Variants in BCAS3 observed in about 807,000 individuals in gnomAD.
The protein encoded by BCAS3 is BCAS3 microtubule associated cell migration factor, also known as BCAS4/BCAS3 fusion.
In BCAS3, 53 loss-of-function variants were observed where a neutral mutation model predicts 116.1. The ratio of observed to expected loss-of-function variants is 0.46; its 90% CI spans 0.37 to 0.57. The LOEUF is 0.57. Among genes scored for constraint, BCAS3 ranks in the 20% least tolerant of loss-of-function variants. BCAS3 has a pLI of 0.00. For synonymous variants in BCAS3, 391 were observed against 408.2 expected (o/e 0.96, Z 0.51); for missense variants, 917 against 1,165.4 (o/e 0.79, Z 3.10).
Position 61,376,811 on chromosome 17 carries a change from A to G in BCAS3, c.2593+8317A>G, listed in dbSNP as rs2059361464. Among the ~76,000 whole-genome samples, 1 of 152,158 alleles carries G rather than the reference A, an allele frequency of 6.6e-6. No homozygotes were observed. Among genetic ancestry groups the G allele is most frequent in the African/African-American group, 2.4e-5 (1 of 41,440 alleles). ...CTAGGGCTTTTCCTCTGCCTTATCT[A>G]ATTGGGCCCTGGAGTTTTCCTCCTT... On this transcript the variant is annotated intron_variant, in intron 23 of 23. Coordinates refer to ENST00000407086, the MANE Select transcript of BCAS3 (RefSeq NM_017679.5). This position sits in a 1 kb window ranked among gnomAD's most constrained non-coding sequence, Gnocchi z 4.5.
chr17:60,841,424 G>C (rs1424759606), intron 7 of BCAS3, among the ~76,000 whole-genome samples: 1 of 149,080 alleles, frequency 6.7e-6, no homozygotes, highest in Non-Finnish European at 1.5e-5. Flanking sequence ...CTGTCACTCA[G>C]GCTGGAGTGC....
At position 60,679,480 on chromosome 17, in the gene BCAS3, A is replaced by G; in HGVS notation, c.23A>G (p.Asp8Gly). 6.2e-7 allele frequency: 1 copy of G among 1,613,998 alleles called. No homozygotes were observed. The highest frequency in any genetic ancestry group is 8.5e-7 in the Non-Finnish European group (1 of 1,179,910). MNEAMAT[D>G]SPRRPSRCTG... ...TTTATGAATGAAGCTATGGCTACAG[A>G]TTCCCCAAGAAGACCCAGTCGTTGT... The change falls in exon 2 of 24, where the codon GAT (aspartate) becomes GGT (glycine). Residue 8 changes from aspartate (D) to glycine (G), a missense_variant. Physicochemically the swap from Asp to Gly is moderately conservative, Grantham distance 94. Coordinates refer to ENST00000407086, the MANE Select transcript of BCAS3 (RefSeq NM_017679.5).
intron 15 of BCAS3, among the ~76,000 whole-genome samples, chr17:61,015,112 T>G (rs2065363329): frequency 6.6e-6 from 1 of 152,178 alleles, no homozygotes; most frequent in South Asian, 2.1e-4. Context: ...TCAGCTGGCT[T>G]TTGTTTAGAA....
chr17:60,982,914 G>C (rs1403683236), intron 14 of BCAS3, among the ~76,000 whole-genome samples: 1 of 152,132 alleles, frequency 6.6e-6, no homozygotes, highest in Non-Finnish European at 1.5e-5. Flanking sequence ...AACATTTTCT[G>C]TGTCAGTTCT....
chr17:60,761,805 A>G (rs2144355686), intron 6 of BCAS3, among the ~76,000 whole-genome samples: 1 of 131,620 alleles, frequency 7.6e-6, no homozygotes, highest in East Asian at 1.9e-4. Context: ...TGGTTGAACT[A>G]GTTTATGCTT....
In BCAS3 at chr17:61,122,723, A is replaced by C. The variant is rs1045255140; in HGVS notation, c.2425+38159A>C. ...GAATTTTCCCACATAGACAAAAAAC[A>C]AAACAAAACAAAAAACCATCTCAGC... On this transcript the variant is annotated intron_variant, in intron 22 of 23. Transcript: ENST00000407086. The surrounding 1 kb of genome is among the most constrained non-coding windows in gnomAD (Gnocchi z 4.6). 1.3e-5 allele frequency among the ~76,000 whole-genome samples: 2 copies of C among 152,214 alleles called. No individual in the cohort carries two copies. The highest frequency in any genetic ancestry group is 4.8e-5 in the African/African-American group (2 of 41,446).
chr17:60,766,962 T>C (rs1055818033), intron 6 of BCAS3, among the ~76,000 whole-genome samples: 1 of 152,192 alleles, frequency 6.6e-6, no homozygotes, highest in East Asian at 1.9e-4. Flanking sequence ...GGACTGCTGC[T>C]CTAGCAGTGA....
rs898771810 is a variant in BCAS3, at chr17:60,961,568, A to T, written c.1221+14216A>T. 1.7e-4 allele frequency among the ~76,000 whole-genome samples: 26 copies of T among 152,334 alleles called. No homozygotes were observed. Among genetic ancestry groups the T allele is most frequent in the Admixed American group, 7.8e-4 (12 of 15,304 alleles). On this transcript the variant is annotated intron_variant, in intron 14 of 23. Transcript: ENST00000407086. This position sits in a 1 kb window ranked among gnomAD's most constrained non-coding sequence, Gnocchi z 4.8. ...TACAGAAAAGTTGCAAAGATAGTATAGAAAGTTTCTATACCATATCAAATT... is the reference window on the plus strand; with the variant it reads ...TACAGAAAAGTTGCAAAGATAGTATTGAAAGTTTCTATACCATATCAAATT...
chr17:61,036,343 C>CTT (rs1484463578), intron 17 of BCAS3: 1 of 152,110 alleles, frequency 6.6e-6, no homozygotes, highest in African/African-American at 2.4e-5. Flanking sequence ...TTCAGTGACC[C>CTT]TTTACTTGGT....
rs2060560564 is a variant in BCAS3, at chr17:60,947,362, A to T, written c.1221+10A>T. ...AGAAACTGAAGCCAAAGTAAGCTGT[A>T]TAATTTTTCAGAAGGCGATTTCTTG... On this transcript the variant is annotated intron_variant, in intron 14 of 23. Coordinates refer to ENST00000407086, the MANE Select transcript of BCAS3 (RefSeq NM_017679.5). 1 of 1,610,986 alleles carries T rather than the reference A, an allele frequency of 6.2e-7. No individual in the cohort carries two copies. Among genetic ancestry groups the T allele is most frequent in the African/African-American group, 1.3e-5 (1 of 74,850 alleles).
At chr17:61,044,465 A>AAAAAAAATATATATAT in intron 19 of BCAS3, among the ~76,000 whole-genome samples, 3 of 120,124 alleles carry the variant, frequency 2.5e-5, no homozygotes, top group African/African-American at 1.5e-4. Flanking sequence ...AAAAAAAAAA[A>AAAAAAAATATATATAT]ATATATATAT....
intron 22 of BCAS3, among the ~76,000 whole-genome samples, chr17:61,114,665 C>T (rs1300282172): frequency 6.6e-6 from 1 of 152,016 alleles, no homozygotes; most frequent in African/African-American, 2.4e-5. Context: ...CCATACTGCC[C>T]AAGGTAATTT....
intron 12 of BCAS3, among the ~76,000 whole-genome samples, chr17:60,919,721 A>G (rs1448564004): frequency 6.6e-6 from 1 of 151,814 alleles, no homozygotes; most frequent in Non-Finnish European, 1.5e-5. Context: ...TTGGTAATAC[A>G]TAGGAAGATA....
intron 20 of BCAS3, among the ~76,000 whole-genome samples, chr17:61,076,859 T>C (rs2072045371): frequency 1.3e-5 from 2 of 152,210 alleles, no homozygotes; most frequent in South Asian, 4.1e-4. Flanking sequence ...TTTTTCTCCC[T>C]GTGATTAGTA....
At chr17:61,070,043 C>T in intron 19 of BCAS3, 1 of 1,594,406 alleles carries the variant, frequency 6.3e-7, no homozygotes, top group East Asian at 2.2e-5. Context: ...TGGAGACAGC[C>T]CAAATATCCT....
chr17:60,958,204 T>C (rs549711916), intron 14 of BCAS3, among the ~76,000 whole-genome samples: 119 of 152,196 alleles, frequency 7.8e-4, no homozygotes, highest in African/African-American at 2.6e-3. Context: ...ACCAGAGACA[T>C]GGGAGCTGCA....
At chr17:61,375,247 T>TGTGTGCGCACAC (rs1555861860) in intron 23 of BCAS3, among the ~76,000 whole-genome samples, 94 of 129,828 alleles carry the variant, frequency 7.2e-4, no homozygotes, top group African/African-American at 4.0e-3. Context: ...TGTGTGTGTG[T>TGTGTGCGCACAC]GTGTGTGTAC....
In BCAS3 at chr17:61,279,100, C is replaced by T. The variant is rs1357667609; in HGVS notation, c.2426-89227C>T. Among the ~76,000 whole-genome samples, 1 of 151,934 alleles carries T rather than the reference C, an allele frequency of 6.6e-6. No homozygotes were observed. Among genetic ancestry groups the T allele is most frequent in the Non-Finnish European group, 1.5e-5 (1 of 67,994 alleles). On this transcript the variant is annotated intron_variant, in intron 22 of 23. Transcript: ENST00000407086. The surrounding 1 kb of genome is among the most constrained non-coding windows in gnomAD (Gnocchi z 4.4). ...TAGCTGGGATTACAGGCATGTGCCA[C>T]CATGCCTGGCTAATTTTTGTATCTT...
intron 13 of BCAS3, among the ~76,000 whole-genome samples, chr17:60,945,515 C>T (rs1475449122): frequency 6.6e-6 from 1 of 152,122 alleles, no homozygotes; most frequent in African/African-American, 2.4e-5. Context: ...CAAAAATAGG[C>T]CTTGGCCTGG....
Sources: allele counts gnomAD v4.1 joint callset (sites outside exome capture counted in the v4.1 genomes callset), GRCh38; gene constraint gnomAD v4.1.1; non-coding constraint Gnocchi (gnomAD v3.1); transcripts MANE v1.5; gene names NCBI Gene and HGNC (gene_info 2026-07-23, HGNC 2026-07-21).